Variants in RPS6KA5 observed in about 807,000 individuals in gnomAD.
The protein encoded by RPS6KA5 is ribosomal protein S6 kinase A5, also known as ribosomal protein S6 kinase alpha-5.
In RPS6KA5, 27 loss-of-function variants were observed where a neutral mutation model predicts 85.5. The observed-to-expected ratio is 0.32, with a 90% CI of 0.23 to 0.44. The LOEUF is 0.44. RPS6KA5 is among the 20% of genes least tolerant of loss of function. RPS6KA5 has a pLI of 1.00. For synonymous variants in RPS6KA5, 334 were observed against 348.2 expected (o/e 0.96, Z 0.46); for missense variants, 811 against 980.9 (o/e 0.83, Z 2.31).
At chr14:90,986,851 T>A (rs1352522259) in intron 2 of RPS6KA5, among the ~76,000 whole-genome samples, 1 of 152,244 alleles carries the variant, frequency 6.6e-6, no homozygotes, top group Non-Finnish European at 1.5e-5. Flanking sequence ...TCCAGACCAC[T>A]GCTTAGACCA....
chr14:91,028,295 G>A, intron 1 of RPS6KA5, among the ~76,000 whole-genome samples: 1 of 151,944 alleles, frequency 6.6e-6, no homozygotes, highest in Admixed American at 6.6e-5. Context: ...AGGGCTCACT[G>A]CCACCTCGAC....
intron 14 of RPS6KA5, among the ~76,000 whole-genome samples, chr14:90,878,767 T>TCTTTGCATTTTGGAGGTA (rs1425577596): frequency 6.6e-6 from 1 of 152,194 alleles, no homozygotes; most frequent in Admixed American, 6.5e-5. Flanking sequence ...TTAGTGGGCT[T>TCTTTGCATTTTGGAGGTA]CTTTGCATTT....
chr14:90,897,148 A>G (rs1057205136), intron 12 of RPS6KA5, among the ~76,000 whole-genome samples: 1 of 152,204 alleles, frequency 6.6e-6, no homozygotes, highest in Non-Finnish European at 1.5e-5. Context: ...CGCCATGCGC[A>G]GTTCACAATA....
At chr14:90,902,208 G>C (rs1218793794) in intron 9 of RPS6KA5, among the ~76,000 whole-genome samples, 1 of 151,464 alleles carries the variant, frequency 6.6e-6, no homozygotes, top group Non-Finnish European at 1.5e-5. Context: ...TTTTTGGCTG[G>C]ACGTGGTGGC....
chr14:90,880,073 A>G (rs1299978237), intron 14 of RPS6KA5, among the ~76,000 whole-genome samples: 2 of 152,216 alleles, frequency 1.3e-5, no homozygotes, highest in African/African-American at 4.8e-5. Flanking sequence ...GGCTGGGATT[A>G]CAAGAGTGAG....
At chr14:91,015,572 A>G (rs2041453756) in intron 1 of RPS6KA5, among the ~76,000 whole-genome samples, 1 of 152,174 alleles carries the variant, frequency 6.6e-6, no homozygotes. Context: ...CTCCTAAGTC[A>G]TAACCTCATT....
intron 1 of RPS6KA5, among the ~76,000 whole-genome samples, chr14:91,017,260 G>T (rs2041543507): frequency 6.6e-6 from 1 of 152,238 alleles, no homozygotes; most frequent in South Asian, 2.1e-4. Context: ...TTTTATCATG[G>T]AAGGGGCAGT....
intron 1 of RPS6KA5, among the ~76,000 whole-genome samples, chr14:91,040,938 G>A (rs1435007190): frequency 6.6e-6 from 1 of 152,206 alleles, no homozygotes; most frequent in Non-Finnish European, 1.5e-5. Context: ...ATGGAAGCTT[G>A]ATCTTCCAGC....
chr14:90,960,213 A>G (rs941892132), intron 3 of RPS6KA5, among the ~76,000 whole-genome samples: 3 of 152,322 alleles, frequency 2.0e-5, no homozygotes, highest in African/African-American at 7.2e-5. Flanking sequence ...CTAAAACTGC[A>G]TCTCTGATGT....
chr14:90,936,450 G>A (rs532085132), intron 5 of RPS6KA5, among the ~76,000 whole-genome samples: 99 of 152,262 alleles, frequency 6.5e-4, no homozygotes, highest in African/African-American at 2.2e-3. Context: ...TGGAGTCCCA[G>A]CTACTTGGGA....
intron 1 of RPS6KA5, among the ~76,000 whole-genome samples, chr14:91,021,382 T>C (rs1306220963): frequency 2.0e-5 from 3 of 152,158 alleles, no homozygotes; most frequent in African/African-American, 7.2e-5. Flanking sequence ...GACTCACACC[T>C]GAAATCCCAG....
At position 91,047,719 on chromosome 14, in the gene RPS6KA5, T is replaced by C. The variant is rs2042932116; in HGVS notation, c.103+12613A>G. On this transcript the variant is annotated intron_variant, in intron 1 of 16. Transcript: ENST00000614987. ...ATTCGTTTTCTTATAGTTCTGGAGATCAAAAGTCTGAAACTGGATCTCATG... is the reference window on the plus strand; with the variant it reads ...ATTCGTTTTCTTATAGTTCTGGAGACCAAAAGTCTGAAACTGGATCTCATG... Among the ~76,000 whole-genome samples, 3 of 152,300 alleles carry C rather than the reference T, an allele frequency of 2.0e-5. No homozygotes were observed. The South Asian group carries it at 6.2e-4, about 32-fold the overall frequency.
At position 90,902,792 on chromosome 14, in the gene RPS6KA5, C is replaced by G; in HGVS notation, c.1119+16G>C. 1 of 1,611,670 alleles carries G rather than the reference C, an allele frequency of 6.2e-7. No homozygotes were observed. The highest frequency in any genetic ancestry group is 1.1e-5 in the South Asian group (1 of 90,726). ...GACATATGGCCAATGTGCATGTGCA[C>G]AGGATGGGAAATTACCTGAAACAGC... On this transcript the variant is annotated intron_variant, in intron 9 of 16. Coordinates refer to ENST00000614987, the MANE Select transcript of RPS6KA5 (RefSeq NM_004755.4).
intron 14 of RPS6KA5, among the ~76,000 whole-genome samples, chr14:90,885,934 C>A (rs1270321556): frequency 6.6e-6 from 1 of 151,660 alleles, no homozygotes; most frequent in Non-Finnish European, 1.5e-5. Context: ...CTGGAAAAGG[C>A]AGAATTAAAC....
At chr14:90,911,356 T>C (rs1012904020) in intron 7 of RPS6KA5, 6 of 152,330 alleles carry the variant, frequency 3.9e-5, no homozygotes, top group African/African-American at 1.4e-4. Context: ...ATGCCTGCAA[T>C]AGCTCTTTTG....
intron 1 of RPS6KA5, among the ~76,000 whole-genome samples, chr14:91,049,851 C>G (rs1435337605): frequency 6.6e-6 from 1 of 152,184 alleles, no homozygotes; most frequent in East Asian, 1.9e-4. Context: ...TAAGCCTGTA[C>G]AGCATGCTAC....
In RPS6KA5 at chr14:90,872,140, C is replaced by T; in HGVS notation, c.2343G>A (p.Gln781=). 6.2e-7 allele frequency: 1 copy of T among 1,613,772 alleles called. No homozygotes were observed. The highest frequency in any genetic ancestry group is 1.1e-5 in the South Asian group (1 of 91,034). ...TATTGCTGTCGGCAGGATTGCTGGGCTGCAGTGTCTTGGTGGGTGTAGTTT... is the reference window on the plus strand; with the variant it reads ...TATTGCTGTCGGCAGGATTGCTGGGTTGCAGTGTCTTGGTGGGTGTAGTTT... ...HGKTTPTKTL[Q]PSNPADSNNP... is the part of the protein sequence containing the mutation. Residue 781 remains glutamine (Q), a synonymous_variant, in exon 17 of 17, where the codon CAG becomes CAA. Transcript: ENST00000614987.
At chr14:90,990,231 C>T (rs2040245242) in intron 2 of RPS6KA5, among the ~76,000 whole-genome samples, 2 of 152,122 alleles carry the variant, frequency 1.3e-5, no homozygotes, top group Admixed American at 6.5e-5. Context: ...ATGAATAGAT[C>T]CTTCTCAAAA....
intron 3 of RPS6KA5, among the ~76,000 whole-genome samples, chr14:90,955,896 C>A (rs1184246226): frequency 1.3e-5 from 2 of 152,014 alleles, no homozygotes; most frequent in African/African-American, 2.4e-5. Flanking sequence ...TTGTTAGGTA[C>A]ATCCACGTTA....
Sources: allele counts gnomAD v4.1 joint callset (sites outside exome capture counted in the v4.1 genomes callset), GRCh38; gene constraint gnomAD v4.1.1; transcripts MANE v1.5; gene names NCBI Gene and HGNC (gene_info 2026-07-23, HGNC 2026-07-21).